The following PTPRT variants were observed in gnomAD, a reference collection of about 807,000 sequenced individuals.
PTPRT encodes protein tyrosine phosphatase receptor type T.
In PTPRT, 56 loss-of-function variants were observed where a neutral mutation model predicts 176.8. The observed-to-expected ratio is 0.32, with a 90% CI of 0.26 to 0.40. The LOEUF is 0.40. Ranked by LOEUF, PTPRT falls within the 10% of genes least tolerant of loss-of-function variation. PTPRT has a pLI of 1.00. For missense variants in PTPRT, 1,540 were observed against 1,908.2 expected (o/e 0.81, Z 3.60); for synonymous variants, 783 against 739.0 (o/e 1.06, Z -0.96).
At chr20:42,218,894 C>G (rs1359500084) in intron 15 of PTPRT, among the ~76,000 whole-genome samples, 1 of 152,198 alleles carries the variant, frequency 6.6e-6, no homozygotes, top group Non-Finnish European at 1.5e-5. Context: ...GGATGTGTTA[C>G]TTTGGCTGTA....
chr20:42,619,309 C>A (rs1304125812), intron 7 of PTPRT, among the ~76,000 whole-genome samples: 3 of 132,600 alleles, frequency 2.3e-5, no homozygotes, highest in East Asian at 4.1e-4. Context: ...CTGAGAGATC[C>A]GCTGTTAGTC....
At chr20:42,556,715 T>G (rs1211776372) in intron 7 of PTPRT, among the ~76,000 whole-genome samples, 1 of 152,166 alleles carries the variant, frequency 6.6e-6, no homozygotes, top group Non-Finnish European at 1.5e-5. Context: ...TCTTTGTGAC[T>G]TTCTATGAGG....
At chr20:42,165,386 G>A (rs530761077) in intron 16 of PTPRT, among the ~76,000 whole-genome samples, 1 of 152,320 alleles carries the variant, frequency 6.6e-6, no homozygotes, top group Non-Finnish European at 1.5e-5. Context: ...CTTGAAGGAG[G>A]GGAGAAGAAA....
intron 1 of PTPRT, among the ~76,000 whole-genome samples, chr20:42,961,186 G>A (rs867147557): frequency 1.3e-5 from 2 of 152,150 alleles, no homozygotes; most frequent in Non-Finnish European, 2.9e-5. Flanking sequence ...TTGTTGATAA[G>A]AAGATTTTAA....
intron 17 of PTPRT, among the ~76,000 whole-genome samples, chr20:42,151,468 G>T (rs1245900132): frequency 1.3e-5 from 2 of 152,152 alleles, no homozygotes; most frequent in African/African-American, 4.8e-5. Context: ...CCCTGCAAAG[G>T]ACATGAACTC....
intron 11 of PTPRT, among the ~76,000 whole-genome samples, chr20:42,347,686 C>A (rs1250702648): frequency 6.6e-6 from 1 of 152,150 alleles, no homozygotes; most frequent in African/African-American, 2.4e-5. Flanking sequence ...TCCCACATCA[C>A]GACATTGCAA....
intron 2 of PTPRT, among the ~76,000 whole-genome samples, chr20:42,858,351 G>A (rs1331849916): frequency 1.3e-5 from 2 of 152,186 alleles, no homozygotes; most frequent in South Asian, 2.1e-4. Context: ...GACAAGGGTA[G>A]GGAGATTCTT....
intron 7 of PTPRT, among the ~76,000 whole-genome samples, chr20:42,562,192 C>T (rs1020527379): frequency 2.0e-5 from 3 of 152,170 alleles, no homozygotes; most frequent in African/African-American, 7.2e-5. Context: ...CATTCACATA[C>T]CTGTCATCCA....
chr20:42,693,875 C>T (rs2075828350), intron 6 of PTPRT, among the ~76,000 whole-genome samples: 1 of 152,070 alleles, frequency 6.6e-6, no homozygotes, highest in South Asian at 2.1e-4. Flanking sequence ...CCTCCCTCCC[C>T]ACTTCCCCAC....
chr20:42,213,377 T>C (rs1319065441), intron 15 of PTPRT, among the ~76,000 whole-genome samples: 1 of 145,116 alleles, frequency 6.9e-6, no homozygotes, highest in East Asian at 2.0e-4. Context: ...ACACTCCCTT[T>C]CCCCTCTCTG....
At chr20:42,712,508 G>A (rs527352739) in intron 6 of PTPRT, among the ~76,000 whole-genome samples, 5 of 152,260 alleles carry the variant, frequency 3.3e-5, no homozygotes, top group African/African-American at 9.6e-5. Context: ...GATCACTCAG[G>A]CTAAACAGTT....
intron 7 of PTPRT, among the ~76,000 whole-genome samples, chr20:42,534,188 C>G (rs1044965212): frequency 6.6e-6 from 1 of 152,178 alleles, no homozygotes; most frequent in African/African-American, 2.4e-5. Context: ...TTGAAATATC[C>G]GGCATTTGAG....
chr20:42,761,080 G>A (rs1228884499), intron 5 of PTPRT, among the ~76,000 whole-genome samples: 1 of 152,116 alleles, frequency 6.6e-6, no homozygotes, highest in Non-Finnish European at 1.5e-5. Context: ...CTAGAGCTAT[G>A]GTTCTCGAAC....
rs1438323165 is a variant in PTPRT at position 42,528,464 on chromosome 20, G to C, written c.1154-55902C>G. Among the ~76,000 whole-genome samples, 4 of 151,690 alleles carry C rather than the reference G, an allele frequency of 2.6e-5. No individual in the cohort carries two copies. In the East Asian group the frequency reaches 7.7e-4, roughly 29 times the overall value. Reference sequence around the variant, plus strand: ...TCATCTAATAAATGGATAATGAATGGATAAATGAATAGTTCAATATTTCAT... The same window carrying C: ...TCATCTAATAAATGGATAATGAATGCATAAATGAATAGTTCAATATTTCAT... On this transcript the variant is annotated intron_variant, in intron 7 of 30. Transcript: ENST00000373187.
At chr20:42,677,515 C>T (rs2075526272) in intron 7 of PTPRT, among the ~76,000 whole-genome samples, 1 of 152,014 alleles carries the variant, frequency 6.6e-6, no homozygotes, top group Non-Finnish European at 1.5e-5. Context: ...CATTAGAAAG[C>T]CTCAGACATA....
chr20:42,851,138 A>G (rs767093104), intron 2 of PTPRT, among the ~76,000 whole-genome samples: 1 of 152,172 alleles, frequency 6.6e-6, no homozygotes, highest in Admixed American at 6.5e-5. Flanking sequence ...CTCTCATTAG[A>G]GTTGAACATT....
At chr20:42,382,054 C>G (rs987326879) in intron 9 of PTPRT, among the ~76,000 whole-genome samples, 2 of 152,016 alleles carry the variant, frequency 1.3e-5, no homozygotes, top group Admixed American at 6.6e-5. Flanking sequence ...AAAATAAGAC[C>G]CTTTCCTATT....
At chr20:42,750,097 T>C (rs969557881) in intron 6 of PTPRT, among the ~76,000 whole-genome samples, 10 of 152,178 alleles carry the variant, frequency 6.6e-5, no homozygotes, top group Admixed American at 3.9e-4. Flanking sequence ...ATGGATTGGA[T>C]TGGATGACCT....
intron 1 of PTPRT, among the ~76,000 whole-genome samples, chr20:43,152,911 A>G (rs978132421): frequency 1.3e-5 from 2 of 152,166 alleles, no homozygotes; most frequent in Non-Finnish European, 2.9e-5. Context: ...AGATTGTATT[A>G]CTTAAATACT....
Sources: allele counts gnomAD v4.1 joint callset (sites outside exome capture counted in the v4.1 genomes callset), GRCh38; gene constraint gnomAD v4.1.1; transcripts MANE v1.5; gene names NCBI Gene and HGNC (gene_info 2026-07-23, HGNC 2026-07-21).